PCDH15: variants seen among roughly 807,000 people sequenced by gnomAD.
PCDH15 encodes the protein protocadherin related 15, also known as protocadherin-15.
PCDH15 carries 129 observed loss-of-function variants against 178.5 expected under a neutral mutation model. The observed-to-expected ratio is 0.72, with a 90% CI of 0.63 to 0.84. The LOEUF (loss-of-function observed/expected upper bound fraction) is 0.84. Ranked by LOEUF, PCDH15 falls within the 40% of genes least tolerant of loss-of-function variation. The probability of loss-of-function intolerance (pLI) is 0.00; values close to 1 mark genes in which losing one functional copy is unlikely to be tolerated. For missense variants in PCDH15, 2,230 were observed against 2,099.9 expected (o/e 1.06, Z -1.21); for synonymous variants, 800 against 732.0 (o/e 1.09, Z -1.50).
chr10:54,542,857 ACCACCCTGGCCTGCCATGCCC>A (rs1158160238), intron 2 of PCDH15, among the ~76,000 whole-genome samples: 1 of 152,066 alleles, frequency 6.6e-6, no homozygotes, highest in African/African-American at 2.4e-5. Context: ...ATTTTCCAAG[ACCACCCTGGCCTGCCATGCCC>A]CCATCCTGGG....
chr10:54,996,253 C>T (rs1174875044), intron 2 of PCDH15, among the ~76,000 whole-genome samples: 1 of 152,152 alleles, frequency 6.6e-6, no homozygotes, highest in Non-Finnish European at 1.5e-5. Context: ...TTCTGATTGC[C>T]TAGGAAGAAT....
intron 2 of PCDH15, among the ~76,000 whole-genome samples, chr10:55,069,242 T>G (rs1304507564): frequency 1.3e-5 from 1 of 79,058 alleles, no homozygotes; most frequent in Non-Finnish European, 2.7e-5. Flanking sequence ...GGTTTGCTGG[T>G]ATTTTGTTTT....
At chr10:54,946,186 A>C (rs951804547) in intron 2 of PCDH15, among the ~76,000 whole-genome samples, 4 of 151,830 alleles carry the variant, frequency 2.6e-5, no homozygotes, top group African/African-American at 9.7e-5. Flanking sequence ...AATTTCAAAA[A>C]CTGTGATATG....
At chr10:55,056,273 A>G (rs1425058647) in intron 2 of PCDH15, among the ~76,000 whole-genome samples, 2 of 152,202 alleles carry the variant, frequency 1.3e-5, no homozygotes, top group African/African-American at 4.8e-5. Context: ...TCTCATAGGT[A>G]TCAATCCTTT....
chr10:53,948,849 A>G (rs2086785374), intron 23 of PCDH15, among the ~76,000 whole-genome samples: 1 of 152,222 alleles, frequency 6.6e-6, no homozygotes, highest in African/African-American at 2.4e-5. Context: ...ACTCATCACC[A>G]TAGGACTCCA....
chr10:55,475,441 C>T (rs1215943160), intron 2 of PCDH15, among the ~76,000 whole-genome samples: 1 of 152,046 alleles, frequency 6.6e-6, no homozygotes, highest in Non-Finnish European at 1.5e-5. Context: ...TTGAGGAAAA[C>T]ATTTTTAGAT....
intron 2 of PCDH15, among the ~76,000 whole-genome samples, chr10:55,062,482 T>C (rs1564760626): frequency 2.0e-5 from 3 of 152,138 alleles, no homozygotes; most frequent in Non-Finnish European, 4.4e-5. Context: ...AAGAAGCCAA[T>C]ATGAAAATGT....
At chr10:55,183,213 C>T (rs1025357585) in intron 1 of PCDH15, among the ~76,000 whole-genome samples, 12 of 151,824 alleles carry the variant, frequency 7.9e-5, no homozygotes, top group African/African-American at 2.9e-4. Context: ...TTGCATTATA[C>T]CATTTGTCCT....
intron 2 of PCDH15, among the ~76,000 whole-genome samples, chr10:55,354,782 A>G (rs1478580934): frequency 6.6e-6 from 1 of 151,906 alleles, no homozygotes; most frequent in African/African-American, 2.4e-5. Context: ...ATTTTTGCGG[A>G]ATGTACAGTT....
At chr10:54,075,523 A>G (rs183648382) in intron 17 of PCDH15, among the ~76,000 whole-genome samples, 14 of 152,000 alleles carry the variant, frequency 9.2e-5, no homozygotes, top group African/African-American at 3.4e-4. Context: ...CAACTTGTCT[A>G]TTTTTTGTTG....
At chr10:54,360,739 T>C (rs1158427661) in intron 5 of PCDH15, among the ~76,000 whole-genome samples, 1 of 152,078 alleles carries the variant, frequency 6.6e-6, no homozygotes, top group Non-Finnish European at 1.5e-5. Context: ...CTATAGCTAT[T>C]ATTTTGTAAG....
At chr10:54,342,788 T>C (rs2795926) in intron 6 of PCDH15, among the ~76,000 whole-genome samples, 38,904 of 152,120 alleles carry the variant, frequency 0.26, 5,491 homozygotes, top group African/African-American at 0.38. Flanking sequence ...ACCCTTTGCA[T>C]TAATGTGCCC....
chr10:55,574,613 G>C (rs990750995), intron 2 of PCDH15, among the ~76,000 whole-genome samples: 2 of 151,816 alleles, frequency 1.3e-5, no homozygotes, highest in African/African-American at 4.8e-5. Context: ...TTTAAACTTG[G>C]AATCAAGTCA....
chr10:55,442,675 A>T (rs1228016389), intron 2 of PCDH15, among the ~76,000 whole-genome samples: 1 of 151,314 alleles, frequency 6.6e-6, no homozygotes, highest in Non-Finnish European at 1.5e-5. Context: ...CCTGTAAATA[A>T]ATATTAATCT....
intron 1 of PCDH15, among the ~76,000 whole-genome samples, chr10:54,771,088 A>T (rs2133264124): frequency 6.6e-6 from 1 of 152,144 alleles, no homozygotes; most frequent in South Asian, 2.1e-4. Context: ...CTACCACACT[A>T]TTGACACACT....
intron 8 of PCDH15, among the ~76,000 whole-genome samples, chr10:54,297,152 G>A (rs1420194774): frequency 6.6e-6 from 1 of 152,118 alleles, no homozygotes; most frequent in Non-Finnish European, 1.5e-5. Flanking sequence ...AGGGGCCACT[G>A]TGGGTTCTTG....
At chr10:55,165,906 T>G (rs1224323640) in intron 2 of PCDH15, among the ~76,000 whole-genome samples, 2 of 152,108 alleles carry the variant, frequency 1.3e-5, no homozygotes, top group Non-Finnish European at 2.9e-5. Flanking sequence ...TTTCCATAAA[T>G]TTCTATTTCG....
intron 1 of PCDH15, among the ~76,000 whole-genome samples, chr10:54,682,112 T>C (rs1460517182): frequency 2.0e-5 from 3 of 152,134 alleles, no homozygotes; most frequent in Non-Finnish European, 4.4e-5. Flanking sequence ...CCACTTGATG[T>C]TTGTTTTTTC....
At chr10:55,214,308 T>A (rs1840644157) in intron 1 of PCDH15, among the ~76,000 whole-genome samples, 1 of 139,510 alleles carries the variant, frequency 7.2e-6, no homozygotes, top group Non-Finnish European at 1.5e-5. Flanking sequence ...TTATCATTTT[T>A]TTATTATTAT....
Sources: gnomAD v4.1 joint callset for allele counts (sites outside exome capture counted in the v4.1 genomes callset) on GRCh38, gnomAD v4.1.1 for gene constraint, MANE v1.5 for transcripts, NCBI Gene and HGNC (gene_info 2026-07-23, HGNC 2026-07-21) for gene names.